The following ZC3H7B variants were observed in gnomAD, a reference collection of about 807,000 sequenced individuals.
ZC3H7B encodes the protein zinc finger CCCH-type containing 7B.
ZC3H7B carries 35 observed loss-of-function variants against 116.0 expected under a neutral mutation model. That is an observed-to-expected ratio of 0.30 (90% CI 0.23 to 0.40). The LOEUF is 0.40. Ranked by LOEUF, ZC3H7B falls within the 10% of genes least tolerant of loss-of-function variation. The pLI is 1.00. For synonymous variants in ZC3H7B, 502 were observed against 545.6 expected (o/e 0.92, Z 1.11); for missense variants, 1,011 against 1,321.5 (o/e 0.77, Z 3.64).
rs564707651 is a variant in ZC3H7B at position 41,324,827 on chromosome 22, C to T, written c.54-737C>T. Among the ~76,000 whole-genome samples the T allele has an allele frequency of 6.2e-4, 94 of 152,250 alleles. No homozygotes were observed. In the Middle Eastern group the frequency reaches 0.014, roughly 22 times the overall value. On this transcript the variant is annotated intron_variant, in intron 2 of 22. Coordinates refer to ENST00000352645, the MANE Select transcript of ZC3H7B (RefSeq NM_017590.6). The stretch of plus-strand genomic sequence containing the variant: ...TGGTCTCGGATTTGGTTTGATGGGG[C>T]GTGGTCCTTCCCAAGGCCTGTTCTA...
intron 17 of ZC3H7B, among the ~76,000 whole-genome samples, chr22:41,353,711 G>C (rs547251881): frequency 6.6e-6 from 1 of 152,364 alleles, no homozygotes; most frequent in Non-Finnish European, 1.5e-5. Flanking sequence ...AGGCTGCCGG[G>C]GGGTCCCTGG....
chr22:41,303,650 G>A (rs1055690752), intron 1 of ZC3H7B, among the ~76,000 whole-genome samples: 2 of 151,892 alleles, frequency 1.3e-5, no homozygotes, highest in African/African-American at 2.4e-5. Context: ...TTGCTGGAAA[G>A]TCAGACAGCA....
intron 17 of ZC3H7B, 32 bp from the exon 18 acceptor site, chr22:41,355,437 C>G (rs1239191179): frequency 1.9e-6 from 3 of 1,611,802 alleles, no homozygotes; most frequent in Admixed American, 1.7e-5. Flanking sequence ...GTGCCTGCAG[C>G]TTCACCAACC....
chr22:41,318,613 G>A (rs1045427895), intron 1 of ZC3H7B, among the ~76,000 whole-genome samples: 3 of 151,892 alleles, frequency 2.0e-5, no homozygotes, highest in African/African-American at 4.8e-5. Context: ...GCGAGGCATG[G>A]TGGCGCGCGC....
At chr22:41,320,789 G>C in intron 2 of ZC3H7B, 76 bp downstream of exon 2, 1 of 1,585,064 alleles carries the variant, frequency 6.3e-7, no homozygotes, top group Non-Finnish European at 8.7e-7. Context: ...CCCTCCCAGC[G>C]CTCCCTTTTC....
chr22:41,347,745 G>A (rs1406751891), intron 14 of ZC3H7B, among the ~76,000 whole-genome samples: 2 of 152,184 alleles, frequency 1.3e-5, no homozygotes, highest in African/African-American at 4.8e-5. Context: ...TCATAGCCAG[G>A]TGACAGCCTG....
chr22:41,349,645 T>C lies in ZC3H7B; in HGVS notation c.1948+344T>C, dbSNP rs930153429. Among the ~76,000 whole-genome samples, 2 of 152,132 alleles carry C rather than the reference T, an allele frequency of 1.3e-5. No individual in the cohort carries two copies. Among genetic ancestry groups the C allele is most frequent in the African/African-American group, 4.8e-5 (2 of 41,422 alleles). On this transcript the variant is annotated intron_variant, in intron 16 of 22. Coordinates refer to ENST00000352645, the MANE Select transcript of ZC3H7B (RefSeq NM_017590.6). This position sits in a 1 kb window ranked among gnomAD's most constrained non-coding sequence, Gnocchi z 4.9. ...TGGGTGGTCGGCAGCAAGTCCCCGC[T>C]CCTCACTGAGCCTCCAGTGCTCATC...
intron 1 of ZC3H7B, among the ~76,000 whole-genome samples, chr22:41,303,826 T>C (rs1002941654): frequency 6.6e-5 from 10 of 152,144 alleles, no homozygotes; most frequent in Non-Finnish European, 1.5e-4. Flanking sequence ...GGCGCGATCT[T>C]GGCTCACTGC....
intron 1 of ZC3H7B, among the ~76,000 whole-genome samples, chr22:41,308,725 C>G (rs2036078982): frequency 6.6e-6 from 1 of 152,240 alleles, no homozygotes; most frequent in Non-Finnish European, 1.5e-5. Flanking sequence ...AAACACAGCC[C>G]TGGCTCCCGG....
At chr22:41,314,262 T>G (rs575643555) in intron 1 of ZC3H7B, among the ~76,000 whole-genome samples, 2 of 151,892 alleles carry the variant, frequency 1.3e-5, no homozygotes, top group African/African-American at 4.8e-5. Context: ...GTTCAAGCAA[T>G]TCTCCTGCCT....
chr22:41,316,058 A>G (rs192241986), intron 1 of ZC3H7B, among the ~76,000 whole-genome samples: 13 of 149,524 alleles, frequency 8.7e-5, no homozygotes, highest in South Asian at 8.4e-4. Context: ...CAATGGCGCT[A>G]TCTCGGCTCA....
chr22:41,350,698 G>A (rs961712540), intron 16 of ZC3H7B, among the ~76,000 whole-genome samples: 18 of 152,310 alleles, frequency 1.2e-4, no homozygotes, highest in African/African-American at 4.1e-4. Flanking sequence ...AGTGTGGGAC[G>A]TGGGAAGTCT....
At position 41,357,754 on chromosome 22, in the gene ZC3H7B, G is replaced by A. The variant is rs1306581291; in HGVS notation, c.*325G>A. On this transcript the variant is annotated 3_prime_UTR_variant, in exon 23 of 23. Transcript: ENST00000352645. This position sits in a 1 kb window ranked among gnomAD's most constrained non-coding sequence, Gnocchi z 5.4. Reference sequence around the variant, plus strand: ...TTAACTTCTGTCTGCTCCTAATGGGGGCCCAAAGCTCAGGGCTGGGGAGCC... The same window carrying A: ...TTAACTTCTGTCTGCTCCTAATGGGAGCCCAAAGCTCAGGGCTGGGGAGCC... The A allele has an allele frequency of 2.6e-6, 1 of 378,446 alleles. No homozygotes were observed. The highest frequency in any genetic ancestry group is 2.0e-5 in the African/African-American group (1 of 49,202). 23.4% of individuals were successfully genotyped at this position (378,446 alleles called of 1,614,324 possible). A position where few individuals can be genotyped will look rare whatever the true frequency, so the allele number is the denominator to read the frequency against.
At chr22:41,334,142 T>G (rs2036414233) in intron 7 of ZC3H7B, 1 of 152,334 alleles carries the variant, frequency 6.6e-6, no homozygotes, top group South Asian at 2.1e-4. Context: ...GTCTTAGCAT[T>G]GGGAAGGCAT....
intron 10 of ZC3H7B, among the ~76,000 whole-genome samples, 186 bp downstream of exon 10, chr22:41,340,323 G>A (rs2036505357): frequency 6.6e-6 from 1 of 152,022 alleles, no homozygotes; most frequent in Admixed American, 6.6e-5. Flanking sequence ...CTGGGCCTGA[G>A]GGGTGGGTGT....
intron 12 of ZC3H7B, 101 bp from the exon 13 acceptor site, chr22:41,343,314 A>G: frequency 6.9e-7 from 1 of 1,449,406 alleles, no homozygotes; most frequent in Non-Finnish European, 9.3e-7. Flanking sequence ...GGAGGTAGGT[A>G]TATAAGGAGG....
Position 41,355,625 on chromosome 22 carries a change from G to A in ZC3H7B, c.2168+23G>A, listed in dbSNP as rs199813346. 55 of 1,613,722 alleles carry A rather than the reference G, an allele frequency of 3.4e-5. 1 individual carries two copies. The highest frequency in any genetic ancestry group is 1.0e-4 in the Admixed American group (6 of 59,994). ...CTGGTGAGTGGGATGCCAGGTGGGG[G>A]CTCAGGTGGGATGGGGCCACCCTAC... On this transcript the variant is annotated intron_variant, in intron 18 of 22. Transcript: ENST00000352645.
intron 2 of ZC3H7B, among the ~76,000 whole-genome samples, chr22:41,322,958 T>G (rs1011383769): frequency 6.6e-6 from 1 of 152,204 alleles, no homozygotes; most frequent in South Asian, 2.1e-4. Flanking sequence ...CTCACCCATG[T>G]CACCGCAGAC....
intron 12 of ZC3H7B, 50 bp from the exon 13 acceptor site, chr22:41,343,365 C>G: frequency 1.3e-6 from 2 of 1,573,268 alleles, no homozygotes; most frequent in South Asian, 2.3e-5. Context: ...CCAGCCATCA[C>G]TCTTCAATTC....
Sources: allele counts gnomAD v4.1 joint callset (sites outside exome capture counted in the v4.1 genomes callset), GRCh38; gene constraint gnomAD v4.1.1; non-coding constraint Gnocchi (gnomAD v3.1); transcripts MANE v1.5; gene names NCBI Gene and HGNC (gene_info 2026-07-23, HGNC 2026-07-21).